The following DCTD variants were observed in gnomAD, a reference collection of about 807,000 sequenced individuals.
The protein encoded by DCTD is dCMP deaminase, also known as deoxycytidylate deaminase.
DCTD carries 23 observed loss-of-function variants against 21.0 expected under a neutral mutation model. The ratio of observed to expected loss-of-function variants is 1.09; its 90% confidence interval spans 0.79 to 1.55. The LOEUF (loss-of-function observed/expected upper bound fraction) is 1.55, where lower values mean the gene tolerates loss of function less well. Among genes scored for constraint, DCTD ranks in the 40% most tolerant of loss-of-function variants. DCTD has a pLI of 0.00. For synonymous variants in DCTD, 71 were observed against 81.1 expected, an observed-to-expected ratio of 0.88 and a Z score of 0.67; for missense variants, 224 against 230.0, an observed-to-expected ratio of 0.97 and a Z score of 0.17.
intron 4 of DCTD, 111 bp from the exon 5 acceptor site, chr4:182,893,238 A>T: frequency 1.4e-6 from 1 of 726,624 alleles, no homozygotes. Context: ...ACCTTTTCTG[A>T]GTGTGCTTGC....
chr4:182,891,542 C>T lies in DCTD; in HGVS notation c.459-65G>A, dbSNP rs377525349. 4.1e-5 allele frequency: 47 copies of T among 1,136,394 alleles called. No individual in the cohort carries two copies. The African/African-American group carries it at 6.1e-4, about 15-fold the overall frequency. The allele number at this position is 1,136,394 out of a possible 1,614,324, so 70.4% of individuals were successfully genotyped here. A position where few individuals can be genotyped will look rare whatever the true frequency, so the allele number is the denominator to read the frequency against. On this transcript the variant is annotated intron_variant, in intron 5 of 5. Coordinates refer to ENST00000438320, the MANE Select transcript of DCTD (RefSeq NM_001921.3). Reference sequence around the variant, plus strand: ...AGTGAAAGCAATTTGTTTACTTTGGCTTAACTCATATTTTCTGTGCAGAGA... The same window carrying T: ...AGTGAAAGCAATTTGTTTACTTTGGTTTAACTCATATTTTCTGTGCAGAGA...
At position 182,891,134 on chromosome 4, in the gene DCTD, A is replaced by G. The variant is rs3190314; in HGVS notation, c.*265T>C. ...CAGCATCCCAGCCAGCCAGGACACA[A>G]GAAGGGGAGGCACTCTCGTTCTAGC... On this transcript the variant is annotated 3_prime_UTR_variant, in exon 6 of 6. Coordinates refer to ENST00000438320, the MANE Select transcript of DCTD (RefSeq NM_001921.3). 104,720 of 362,428 alleles carry G rather than the reference A, an allele frequency of 0.29. 17,904 individuals are homozygous for G. Among genetic ancestry groups the G allele is most frequent in the African/African-American group, 0.58 (28,188 of 48,618 alleles). The allele number at this position is 362,428 out of a possible 1,614,324, so 22.5% of individuals were successfully genotyped here.
At chr4:182,893,006 C>G in intron 5 of DCTD, 25 bp downstream of exon 5, 1 of 1,476,952 alleles carries the variant, frequency 6.8e-7, no homozygotes, top group Non-Finnish European at 9.5e-7. Flanking sequence ...TACCCCGTCC[C>G]CCCGCCCGCA....
At chr4:182,892,497 C>T (rs774218963) in intron 5 of DCTD, among the ~76,000 whole-genome samples, 8 of 151,968 alleles carry the variant, frequency 5.3e-5, no homozygotes, top group Non-Finnish European at 8.8e-5. Flanking sequence ...ACTGAAAGTA[C>T]AAAAAAATTA....
chr4:182,901,010 G>A (rs746990590), intron 3 of DCTD, among the ~76,000 whole-genome samples: 3 of 152,074 alleles, frequency 2.0e-5, no homozygotes, highest in East Asian at 1.9e-4. Context: ...TCATGTAGGC[G>A]GTTCTCTAGA....
chr4:182,905,749 G>A (rs1341371543), intron 3 of DCTD, among the ~76,000 whole-genome samples: 1 of 152,108 alleles, frequency 6.6e-6, no homozygotes, highest in Non-Finnish European at 1.5e-5. Flanking sequence ...CGCTGGCACT[G>A]ACATACCTGT....
intron 2 of DCTD, 67 bp from the exon 3 acceptor site, chr4:182,915,125 A>C: frequency 6.2e-7 from 1 of 1,602,718 alleles, no homozygotes; most frequent in Non-Finnish European, 8.5e-7. Context: ...GGAAGCAGGG[A>C]ATAAAACCAG....
rs1022414423 is a variant in DCTD, at chr4:182,915,500, G to A, written c.69C>T (p.Ala23=). The A allele has an allele frequency of 6.2e-7, 1 of 1,613,650 alleles. No homozygotes were observed. The highest frequency in any genetic ancestry group is 8.5e-7 in the Non-Finnish European group (1 of 1,179,556). The change falls in exon 2 of 6, where the codon GCC becomes GCT. Residue 23 remains alanine (A), a synonymous_variant. Coordinates refer to ENST00000438320, the MANE Select transcript of DCTD (RefSeq NM_001921.3). ...LEWPEYFMAV[A]FLSAQRSKDP... ...CTTTGCTTCTCTGTGCTGATAAGAA[G>A]GCCACAGCCATAAAATACTCTGGCC...
intron 4 of DCTD, 47 bp downstream of exon 4, chr4:182,894,442 A>G (rs774840094): frequency 2.7e-6 from 3 of 1,121,900 alleles, no homozygotes; most frequent in South Asian, 2.5e-5. Flanking sequence ...GCTACTGACG[A>G]GCAGGCAGCA....
chr4:182,915,768 A>G (rs943729026), intron 1 of DCTD, 193 bp from the exon 2 acceptor site: 43 of 856,154 alleles, frequency 5.0e-5, no homozygotes, highest in Non-Finnish European at 6.5e-5. Context: ...GAAATTTCCT[A>G]TTTCAGAAGT....
rs554883051 is a variant in DCTD at position 182,893,085 on chromosome 4, C to T, written c.404G>A (p.Ser135Asn). Reference sequence around the variant, plus strand: ...GAGCCTCGCAGCAGTTGCCTCGTCACTATCATGGTATTTATCAGACATGAA... The same window carrying T: ...GAGCCTCGCAGCAGTTGCCTCGTCATTATCATGGTATTTATCAGACATGAA... ...VIFMSDKYHDSDEATAARLLF... is the reference protein window; with the variant it reads ...VIFMSDKYHDNDEATAARLLF... Residue 135 changes from serine to asparagine, a missense_variant, in exon 5 of 6, where the codon AGT becomes AAT. By Grantham distance (46) the Ser-to-Asn change is conservative. Coordinates refer to ENST00000438320, the MANE Select transcript of DCTD (RefSeq NM_001921.3). 2.8e-5 allele frequency: 45 copies of T among 1,612,606 alleles called. 1 individual carries two copies. The South Asian group carries it at 5.0e-4, about 18-fold the overall frequency.
chr4:182,906,499 G>C (rs1483490858), intron 3 of DCTD, among the ~76,000 whole-genome samples: 6 of 152,162 alleles, frequency 3.9e-5, no homozygotes, highest in Non-Finnish European at 7.3e-5. Context: ...GACCACATGT[G>C]ATGGTGTCTG....
At position 182,917,225 on chromosome 4, in the gene DCTD, C is replaced by A. The variant is rs1302771366; in HGVS notation, c.-8+86G>T. ...CCAGGCCCCCGCCCGGCAGCCAGCG[C>A]CCCGCGCCACGCGCTCGGGACGGTG... On this transcript the variant is annotated intron_variant, in intron 1 of 5. Transcript: ENST00000438320. The surrounding 1 kb of genome is among the most constrained non-coding windows in gnomAD (Gnocchi z 4.9). 14 of 997,682 alleles carry A rather than the reference C, an allele frequency of 1.4e-5. No individual in the cohort carries two copies. The highest frequency in any genetic ancestry group is 1.7e-5 in the Non-Finnish European group (14 of 839,094). The allele number at this position is 997,682 out of a possible 1,614,324, so 61.8% of individuals were successfully genotyped here. A position where few individuals can be genotyped will look rare whatever the true frequency, so the allele number is the denominator to read the frequency against.
intron 3 of DCTD, among the ~76,000 whole-genome samples, chr4:182,911,971 C>T (rs1737764187): frequency 6.6e-6 from 1 of 152,058 alleles, no homozygotes; most frequent in South Asian, 2.1e-4. Flanking sequence ...AAATCATTGT[C>T]CAGAACTCGA....
chr4:182,901,205 T>C (rs567547013), intron 3 of DCTD, among the ~76,000 whole-genome samples: 8 of 152,316 alleles, frequency 5.3e-5, no homozygotes, highest in African/African-American at 1.9e-4. Flanking sequence ...AAATTCTAAT[T>C]GCTGCCTAAA....
chr4:182,917,189 C>T lies in DCTD; in HGVS notation c.-8+122G>A. 1 of 991,376 alleles carries T rather than the reference C, an allele frequency of 1.0e-6. No homozygotes were observed. Among genetic ancestry groups the T allele is most frequent in the Non-Finnish European group, 1.2e-6 (1 of 834,444 alleles). 61.4% of individuals were successfully genotyped at this position (991,376 alleles called of 1,614,324 possible). A position where few individuals can be genotyped will look rare whatever the true frequency, so the allele number is the denominator to read the frequency against. On this transcript the variant is annotated intron_variant, in intron 1 of 5. Coordinates refer to ENST00000438320, the MANE Select transcript of DCTD (RefSeq NM_001921.3). This position sits in a 1 kb window ranked among gnomAD's most constrained non-coding sequence, Gnocchi z 4.9. ...CTGAGCGCGGCCGAGGCGCCCCCAG[C>T]GTCCGCGGCCCCAGGCCCCCGCCCG...
chr4:182,895,974 A>G (rs922247094), intron 3 of DCTD, among the ~76,000 whole-genome samples: 19 of 152,142 alleles, frequency 1.2e-4, no homozygotes, highest in African/African-American at 4.3e-4. Flanking sequence ...TAAAATAAAT[A>G]TTTGTCAAAC....
At chr4:182,898,135 C>T (rs1415719454) in intron 3 of DCTD, among the ~76,000 whole-genome samples, 1 of 152,186 alleles carries the variant, frequency 6.6e-6, no homozygotes, top group East Asian at 1.9e-4. Context: ...GACTGGCCAT[C>T]GACACTGATC....
chr4:182,910,875 A>G (rs186501391), intron 3 of DCTD, among the ~76,000 whole-genome samples: 1 of 152,226 alleles, frequency 6.6e-6, no homozygotes, highest in Non-Finnish European at 1.5e-5. Flanking sequence ...CCATCTTCCT[A>G]TTATGTTACA....
Sources: gnomAD v4.1 joint callset for allele counts (sites outside exome capture counted in the v4.1 genomes callset) on GRCh38, gnomAD v4.1.1 for gene constraint, Gnocchi (gnomAD v3.1) non-coding constraint, MANE v1.5 for transcripts, NCBI Gene and HGNC (gene_info 2026-07-23, HGNC 2026-07-21) for gene names.